SEC22C: variants seen among roughly 807,000 people sequenced by gnomAD.
SEC22C encodes SEC22 homolog C, vesicle trafficking protein.
SEC22C carries 29 observed loss-of-function variants against 34.7 expected under a neutral mutation model. The ratio of observed to expected loss-of-function variants is 0.84; its 90% confidence interval spans 0.62 to 1.14. The LOEUF is 1.14. Among genes scored for constraint, SEC22C ranks in the 50% most tolerant of loss-of-function variants. The pLI is 0.00. For missense variants in SEC22C, 337 were observed against 369.0 expected (o/e 0.91, Z 0.71); for synonymous variants, 117 against 132.8 (o/e 0.88, Z 0.82).
At chr3:42,556,759 T>C (rs1404053609) in intron 5 of SEC22C, among the ~76,000 whole-genome samples, 1 of 152,252 alleles carries the variant, frequency 6.6e-6, no homozygotes, top group African/African-American at 2.4e-5. Context: ...GTTTTGCTTT[T>C]GTCGCCCAGG....
chr3:42,589,893 GTA>G (rs758947553), intron 1 of SEC22C, among the ~76,000 whole-genome samples: 45 of 152,178 alleles, frequency 3.0e-4, no homozygotes, highest in Non-Finnish European at 5.9e-4. Flanking sequence ...GCCCAAGAAG[GTA>G]TGTCCAGCTT....
In SEC22C at chr3:42,551,202, T is replaced by C; in HGVS notation, c.*2046A>G. The C allele has an allele frequency of 7.1e-6, 7 of 985,408 alleles. No individual in the cohort carries two copies. The highest frequency in any genetic ancestry group is 7.2e-6 in the Non-Finnish European group (6 of 829,928). 61.0% of individuals were successfully genotyped at this position (985,408 alleles called of 1,614,324 possible). On this transcript the variant is annotated 3_prime_UTR_variant, in exon 7 of 7. Transcript: ENST00000264454. ...TTACCTCCCCTCCTTAACTTCCCAT[T>C]CTATTTCACCATCTCTTCAAAATTG...
chr3:42,549,116 G>C lies in SEC22C; in HGVS notation c.*4132C>G, dbSNP rs1490913297. 2.0e-6 allele frequency: 2 copies of C among 994,472 alleles called. No individual in the cohort carries two copies. The highest frequency in any genetic ancestry group is 1.1e-4 in the Admixed American group (2 of 17,844). 61.6% of individuals were successfully genotyped at this position (994,472 alleles called of 1,614,324 possible). On this transcript the variant is annotated 3_prime_UTR_variant, in exon 7 of 7. Coordinates refer to ENST00000264454, the MANE Select transcript of SEC22C (RefSeq NM_032970.4). ...CCTCACCTTCTCTCTCAAGGGCACAGCTACACTCTTTCTCCACCATTATTA... is the reference window on the plus strand; with the variant it reads ...CCTCACCTTCTCTCTCAAGGGCACACCTACACTCTTTCTCCACCATTATTA...
chr3:42,566,540 G>C (rs961944618), intron 2 of SEC22C, among the ~76,000 whole-genome samples: 1 of 152,034 alleles, frequency 6.6e-6, no homozygotes, highest in Non-Finnish European at 1.5e-5. Context: ...TTAGCCAGGC[G>C]TGGTGGTGGG....
chr3:42,566,462 G>A (rs1703247328), intron 2 of SEC22C, among the ~76,000 whole-genome samples: 1 of 152,082 alleles, frequency 6.6e-6, no homozygotes, highest in South Asian at 2.1e-4. Context: ...GAATCACGAG[G>A]TTAGGAGCTC....
Position 42,550,672 on chromosome 3 carries a change from G to T in SEC22C, c.*2576C>A, listed in dbSNP as rs368251347. On this transcript the variant is annotated 3_prime_UTR_variant, in exon 7 of 7. Coordinates refer to ENST00000264454, the MANE Select transcript of SEC22C (RefSeq NM_032970.4). ...ATATCCACACATTCGACCTGGTGTG[G>T]ATAACATCTCTGGTAGTGCCTCGGT... The T allele has an allele frequency of 2.0e-6, 2 of 985,132 alleles. No individual in the cohort carries two copies. The highest frequency in any genetic ancestry group is 2.3e-4 in the East Asian group (2 of 8,806). 61.0% of individuals were successfully genotyped at this position (985,132 alleles called of 1,614,324 possible).
intron 1 of SEC22C, chr3:42,591,601 A>C: frequency 6.2e-7 from 1 of 1,610,996 alleles, no homozygotes; most frequent in Non-Finnish European, 8.5e-7. Context: ...GAGTGCGTGC[A>C]GTAAGTACCC....
intron 4 of SEC22C, among the ~76,000 whole-genome samples, chr3:42,558,213 C>G (rs562336767): frequency 6.6e-6 from 1 of 152,168 alleles, no homozygotes; most frequent in East Asian, 1.9e-4. Context: ...ATTTTTGGCA[C>G]ACACCTGTAA....
chr3:42,549,997 A>T lies in SEC22C; in HGVS notation c.*3251T>A. ...CCAGCTGTCTCCACCCAGGAAAAGG[A>T]AAGCCAGGTACACTTCTCATCACAG... On this transcript the variant is annotated 3_prime_UTR_variant, in exon 7 of 7. Coordinates refer to ENST00000264454, the MANE Select transcript of SEC22C (RefSeq NM_032970.4). 1 of 985,478 alleles carries T rather than the reference A, an allele frequency of 1.0e-6. No homozygotes were observed. The highest frequency in any genetic ancestry group is 1.2e-6 in the Non-Finnish European group (1 of 829,964). 61.0% of individuals were successfully genotyped at this position (985,478 alleles called of 1,614,324 possible).
intron 1 of SEC22C, chr3:42,590,903 G>C: frequency 6.2e-7 from 1 of 1,613,886 alleles, no homozygotes; most frequent in Non-Finnish European, 8.5e-7. Context: ...TCGGGATGTC[G>C]GTGGCCTTCG....
intron 6 of SEC22C, among the ~76,000 whole-genome samples, chr3:42,555,117 G>A (rs1336983551): frequency 6.6e-6 from 1 of 152,072 alleles, no homozygotes; most frequent in Non-Finnish European, 1.5e-5. Context: ...CGGCCGAGGC[G>A]GGTGGATCAC....
At chr3:42,569,138 G>A (rs772707027) in intron 1 of SEC22C, 65 bp from the exon 2 acceptor site, 7 of 1,009,100 alleles carry the variant, frequency 6.9e-6, no homozygotes, top group Non-Finnish European at 8.9e-6. Context: ...ACCCCCACCT[G>A]TGAAATGCCC....
intron 1 of SEC22C, among the ~76,000 whole-genome samples, chr3:42,598,325 A>G (rs1028472315): frequency 6.6e-6 from 1 of 150,884 alleles, no homozygotes; most frequent in Non-Finnish European, 1.5e-5. Flanking sequence ...CAAAAGAACA[A>G]ATTTTTTTTT....
chr3:42,576,254 G>A (rs1703955835), intron 1 of SEC22C, among the ~76,000 whole-genome samples: 1 of 151,788 alleles, frequency 6.6e-6, no homozygotes, highest in Non-Finnish European at 1.5e-5. Flanking sequence ...TCCAAAAGAA[G>A]AAAAGTCTCA....
Position 42,550,449 on chromosome 3 carries a change from C to T in SEC22C, c.*2799G>A. On this transcript the variant is annotated 3_prime_UTR_variant, in exon 7 of 7. Transcript: ENST00000264454. ...ACCCTGAACCAAGTCAAACCTAAGC[C>T]TGGGGATTTCCCTCGGATGAAATCA... 1.0e-6 allele frequency: 1 copy of T among 985,450 alleles called. No homozygotes were observed. The highest frequency in any genetic ancestry group is 1.2e-6 in the Non-Finnish European group (1 of 829,942). 61.0% of individuals were successfully genotyped at this position (985,450 alleles called of 1,614,324 possible). A position where few individuals can be genotyped will look rare whatever the true frequency, so the allele number is the denominator to read the frequency against.
intron 5 of SEC22C, among the ~76,000 whole-genome samples, 187 bp from the exon 6 acceptor site, chr3:42,556,182 T>G (rs1359445079): frequency 1.3e-5 from 2 of 152,194 alleles, no homozygotes; most frequent in South Asian, 4.1e-4. Context: ...AACAGCTTGG[T>G]CACAGCATGT....
intron 1 of SEC22C, chr3:42,600,471 G>A (rs528557454): frequency 1.4e-5 from 2 of 147,520 alleles, no homozygotes; most frequent in African/African-American, 5.0e-5. Flanking sequence ...TGACTTCAAA[G>A]GGGGGGGCAA....
chr3:42,578,239 T>G (rs1704091104), intron 1 of SEC22C, among the ~76,000 whole-genome samples: 1 of 152,130 alleles, frequency 6.6e-6, no homozygotes, highest in Non-Finnish European at 1.5e-5. Flanking sequence ...AGAAGAAGAA[T>G]AAACTATGGT....
chr3:42,580,770 A>T (rs761209792), intron 1 of SEC22C, among the ~76,000 whole-genome samples: 1 of 152,212 alleles, frequency 6.6e-6, no homozygotes, highest in Non-Finnish European at 1.5e-5. Flanking sequence ...TCTTCTACAA[A>T]TCCAACTTTG....
Sources: gnomAD v4.1 joint callset for allele counts (sites outside exome capture counted in the v4.1 genomes callset) on GRCh38, gnomAD v4.1.1 for gene constraint, MANE v1.5 for transcripts, NCBI Gene and HGNC (gene_info 2026-07-23, HGNC 2026-07-21) for gene names.